The following PTPRD variants were observed in gnomAD, a reference collection of about 807,000 sequenced individuals.
The protein encoded by PTPRD is protein tyrosine phosphatase receptor type D, also known as receptor-type tyrosine-protein phosphatase delta.
Under a neutral mutation model 214.5 loss-of-function variants are expected in PTPRD, and 34 were observed. The observed-to-expected ratio is 0.16, with a 90% CI of 0.12 to 0.21. The LOEUF (loss-of-function observed/expected upper bound fraction) is 0.21. Among genes scored for constraint, PTPRD ranks in the 10% least tolerant of loss-of-function variants. The probability of loss-of-function intolerance (pLI) is 1.00; values close to 1 mark genes in which losing one functional copy is unlikely to be tolerated. For synonymous variants in PTPRD, 1,128 were observed against 845.7 expected (o/e 1.33, Z -5.79); for missense variants, 2,545 against 2,398.7 (o/e 1.06, Z -1.27).
At chr9:8,895,340 A>G (rs4237169) in intron 11 of PTPRD, among the ~76,000 whole-genome samples, 101,012 of 151,990 alleles carry the variant, frequency 0.66, 34,967 homozygotes, top group African/African-American at 0.86. Context: ...AAATAAAAAC[A>G]TAAGTCAAAT....
chr9:10,492,595 T>C (rs1207029371), intron 2 of PTPRD, among the ~76,000 whole-genome samples: 2 of 152,180 alleles, frequency 1.3e-5, no homozygotes, highest in African/African-American at 4.8e-5. Flanking sequence ...TTACATTCCT[T>C]GTAGATTCTG....
intron 2 of PTPRD, among the ~76,000 whole-genome samples, chr9:10,605,423 C>T (rs76959478): frequency 4.3e-4 from 66 of 151,812 alleles, no homozygotes; most frequent in East Asian, 2.1e-3. Context: ...GATAGTACGG[C>T]GTATTTTTAT....
rs550748723 is a variant in PTPRD at position 9,166,182 on chromosome 9, T to G, written c.-143+17122A>C. On this transcript the variant is annotated intron_variant, in intron 10 of 45. Transcript: ENST00000381196. Reference sequence around the variant, plus strand: ...AAGTTGAATCACTTCTCCATCTACCTTACTGTGGTTTCTGATCCTTTCAAT... The same window carrying G: ...AAGTTGAATCACTTCTCCATCTACCGTACTGTGGTTTCTGATCCTTTCAAT... Among the ~76,000 whole-genome samples, 219 of 151,980 alleles carry G rather than the reference T, an allele frequency of 1.4e-3. 2 individuals carry two copies. Among genetic ancestry groups the G allele is most frequent in the Non-Finnish European group, 2.5e-3 (169 of 67,958 alleles).
chr9:8,659,368 A>G (rs1387987735), intron 12 of PTPRD, among the ~76,000 whole-genome samples: 14 of 152,354 alleles, frequency 9.2e-5, no homozygotes, highest in East Asian at 7.7e-4. Flanking sequence ...CAACAATTCC[A>G]TATTTTATGA....
chr9:8,671,683 G>A lies in PTPRD; in HGVS notation c.65-34839C>T, dbSNP rs144896345. Among the ~76,000 whole-genome samples, 477 of 152,218 alleles carry A rather than the reference G, an allele frequency of 3.1e-3. 1 individual carries two copies. Among genetic ancestry groups the A allele is most frequent in the Non-Finnish European group, 5.3e-3 (359 of 67,994 alleles). ...AAAAGGGCACATTTAAAGAGGCATA[G>A]ACCTAAAAAGAAATCTCCAGAAATT... On this transcript the variant is annotated intron_variant, in intron 12 of 45. Transcript: ENST00000381196.
chr9:8,686,291 G>A (rs1318052412), intron 12 of PTPRD, among the ~76,000 whole-genome samples: 2 of 152,190 alleles, frequency 1.3e-5, no homozygotes, highest in African/African-American at 4.8e-5. Context: ...AAGTTATGCA[G>A]GGGAGAATTC....
At chr9:8,713,919 C>A (rs915950061) in intron 12 of PTPRD, 9 of 733,588 alleles carry the variant, frequency 1.2e-5, no homozygotes, top group South Asian at 8.9e-5. Context: ...TCTTTATCCA[C>A]TGACGCATAA....
intron 3 of PTPRD, among the ~76,000 whole-genome samples, chr9:10,299,098 C>G (rs1450458217): frequency 6.6e-6 from 1 of 152,018 alleles, no homozygotes; most frequent in Non-Finnish European, 1.5e-5. Flanking sequence ...TGGTCACTAA[C>G]TTTTCTGGGA....
rs753384952 is a variant in PTPRD, at chr9:8,341,702, G to A, written c.4938C>T (p.Leu1646=). Reference sequence around the variant, plus strand: ...ACATCCAATACCATACCTTAAATTCGAGCTCCATTCCTGTGACATTCTCTC... The same window carrying A: ...ACATCCAATACCATACCTTAAATTCAAGCTCCATTCCTGTGACATTCTCTC... ...ETGENVTGME[L]EFKRLASSKA... Residue 1646 remains leucine, a synonymous_variant, in exon 40 of 46, where the codon CTC becomes CTT. Transcript: ENST00000381196. The A allele has an allele frequency of 9.9e-6, 16 of 1,613,082 alleles. No homozygotes were observed. The highest frequency in any genetic ancestry group is 6.7e-5 in the East Asian group (3 of 44,824).
rs138619908 is a variant in PTPRD at position 10,356,263 on chromosome 9, ATTAT to A, written c.-599-15250_-599-15247del. Among the ~76,000 whole-genome samples the A allele has an allele frequency of 3.2e-4, 48 of 152,194 alleles. No individual in the cohort carries two copies. In the East Asian group the frequency reaches 8.7e-3, roughly 28 times the overall value. ...GTGGTGAAGACAGTGCCTCAAGGAG[ATTAT>A]TTATCTATCAGGAATTGTCTGTTCC... On this transcript the variant is annotated intron_variant, in intron 2 of 45. Transcript: ENST00000381196.
intron 11 of PTPRD, among the ~76,000 whole-genome samples, chr9:8,994,760 T>C (rs904367177): frequency 6.6e-6 from 1 of 151,912 alleles, no homozygotes; most frequent in Admixed American, 6.6e-5. Context: ...TTGGGTAATA[T>C]TGGGAGATAA....
At chr9:10,484,305 T>C (rs1277009326) in intron 2 of PTPRD, among the ~76,000 whole-genome samples, 1 of 152,006 alleles carries the variant, frequency 6.6e-6, no homozygotes, top group Non-Finnish European at 1.5e-5. Context: ...AAGGGGAGTG[T>C]GGAAAGACAG....
intron 4 of PTPRD, among the ~76,000 whole-genome samples, chr9:9,979,876 C>A (rs986800971): frequency 1.3e-5 from 2 of 152,006 alleles, no homozygotes; most frequent in African/African-American, 4.8e-5. Context: ...AGAGATTGGG[C>A]ACAGCAACGG....
intron 11 of PTPRD, among the ~76,000 whole-genome samples, chr9:8,804,068 T>G (rs576228350): frequency 3.9e-4 from 59 of 152,200 alleles, no homozygotes; most frequent in African/African-American, 1.4e-3. Flanking sequence ...TTCTCCTGCC[T>G]CAGCCTCCTT....
chr9:9,547,943 ATTTTTTCTGAC>A (rs2079194508), intron 8 of PTPRD, among the ~76,000 whole-genome samples: 1 of 152,028 alleles, frequency 6.6e-6, no homozygotes, highest in African/African-American at 2.4e-5. Flanking sequence ...AATGATAGGA[ATTTTTTCTGAC>A]TTTTCTCACA....
intron 11 of PTPRD, among the ~76,000 whole-genome samples, chr9:8,744,539 G>C (rs1181985423): frequency 6.6e-6 from 1 of 152,214 alleles, no homozygotes; most frequent in Non-Finnish European, 1.5e-5. Context: ...AAGTGAAGTA[G>C]CTCAGGAATG....
At chr9:10,391,372 A>G (rs2098061490) in intron 2 of PTPRD, among the ~76,000 whole-genome samples, 1 of 151,660 alleles carries the variant, frequency 6.6e-6, no homozygotes, top group African/African-American at 2.4e-5. Flanking sequence ...GGGGCCTAAT[A>G]TAATGTTTTT....
At chr9:9,071,152 C>T (rs1314781225) in intron 10 of PTPRD, among the ~76,000 whole-genome samples, 1 of 152,134 alleles carries the variant, frequency 6.6e-6, no homozygotes, top group East Asian at 1.9e-4. Context: ...CAGTAAAACA[C>T]ATTTAATTCT....
intron 9 of PTPRD, among the ~76,000 whole-genome samples, chr9:9,355,572 A>C (rs2053446307): frequency 6.6e-6 from 1 of 151,726 alleles, no homozygotes; most frequent in Non-Finnish European, 1.5e-5. Flanking sequence ...TCAGGGACTT[A>C]GTTTTTGGAC....
Sources: gnomAD v4.1 joint callset for allele counts (sites outside exome capture counted in the v4.1 genomes callset) on GRCh38, gnomAD v4.1.1 for gene constraint, MANE v1.5 for transcripts, NCBI Gene and HGNC (gene_info 2026-07-23, HGNC 2026-07-21) for gene names.